The following FAM171A2 variants were observed in gnomAD, a reference collection of about 807,000 sequenced individuals.
The protein encoded by FAM171A2 is protein FAM171A2.
Under a neutral mutation model 34.2 loss-of-function variants are expected in FAM171A2, and 13 were observed. The observed-to-expected ratio is 0.38, with a 90% confidence interval of 0.25 to 0.60. The LOEUF (loss-of-function observed/expected upper bound fraction) is 0.60. FAM171A2 is among the 20% of genes least tolerant of loss of function. FAM171A2 has a pLI of 0.62. For synonymous variants in FAM171A2, 475 were observed against 561.2 expected, an observed-to-expected ratio of 0.85 and a Z score of 2.17; for missense variants, 950 against 1,180.7, an observed-to-expected ratio of 0.80 and a Z score of 2.86.
In FAM171A2 at chr17:44,359,953, G is replaced by A. The variant is rs1318165540; in HGVS notation, c.298C>T (p.Pro100Ser). 1.9e-6 allele frequency: 3 copies of A among 1,550,750 alleles called. No individual in the cohort carries two copies. Among genetic ancestry groups the A allele is most frequent in the Admixed American group, 2.0e-5 (1 of 50,956 alleles). The change falls in exon 2 of 8, where the codon CCT becomes TCT. Residue 100 changes from proline (P) to serine (S), a missense_variant. Transcript: ENST00000293443. ...GTWVLVTAAR[P>S]GFLTNSVPWR... ...GGCACAGAGTTGGTGAGGAAGCCAG[G>A]GCGGGCAGCAGTGACCAGCACCCAG...
chr17:44,354,414 G>A lies in FAM171A2; in HGVS notation c.1800C>T (p.Gly600=). 2.6e-6 allele frequency: 3 copies of A among 1,156,704 alleles called. No homozygotes were observed. The highest frequency in any genetic ancestry group is 8.1e-5 in the South Asian group (2 of 24,776). 71.7% of individuals were successfully genotyped at this position (1,156,704 alleles called of 1,614,324 possible). A position where few individuals can be genotyped will look rare whatever the true frequency, so the allele number is the denominator to read the frequency against. ...SGPGGEGGGG[G]GEGWGAGRAA... ...CGCGCCCGGCCCCCCAGCCCTCGCC[G>A]CCGCCCCCGCCGCCCTCGCCCCCCG... Residue 600 remains glycine, a synonymous_variant, in exon 8 of 8, where the codon GGC becomes GGT. Transcript: ENST00000293443. This position sits in a 1 kb window ranked among gnomAD's most constrained non-coding sequence, Gnocchi z 5.8.
chr17:44,360,097 C>G lies in FAM171A2; in HGVS notation c.154G>C (p.Glu52Gln). The G allele has an allele frequency of 6.4e-7, 1 of 1,551,656 alleles. No homozygotes were observed. The highest frequency in any genetic ancestry group is 1.2e-5 in the South Asian group (1 of 84,056). Reference sequence around the variant, plus strand: ...GAGGCCCGGGCCAGGGGCACCAGCTCCCCGCTCACATACACCTGCACCTTG... The same window carrying G: ...GAGGCCCGGGCCAGGGGCACCAGCTGCCCGCTCACATACACCTGCACCTTG... ...LIKVQVYVSG[E>Q]LVPLARASVD... Residue 52 changes from glutamate to glutamine, a missense_variant, in exon 2 of 8, where the codon GAG becomes CAG. This residue lies in a region of FAM171A2 where 752 missense variants were observed against 924.5 expected (regional missense o/e 0.81). Transcript: ENST00000293443.
chr17:44,354,783 C>T lies in FAM171A2; in HGVS notation c.1431G>A (p.Pro477=). 9 of 1,295,510 alleles carry T rather than the reference C, an allele frequency of 6.9e-6. No homozygotes were observed. The highest frequency in any genetic ancestry group is 2.2e-5 in the South Asian group (1 of 45,844). The allele number at this position is 1,295,510 out of a possible 1,614,324, so 80.3% of individuals were successfully genotyped here. Residue 477 remains proline, a synonymous_variant, in exon 8 of 8, where the codon CCG becomes CCA. Coordinates refer to ENST00000293443, the MANE Select transcript of FAM171A2 (RefSeq NM_198475.3). This position sits in a 1 kb window ranked among gnomAD's most constrained non-coding sequence, Gnocchi z 5.8. ...AAAFLHEPPS[P]PPPFDHYLGH... ...CCAGGTAGTGGTCGAAGGGCGGCGG[C>T]GGCGAGGGCGGCTCGTGCAGGAAGG...
At chr17:44,363,303 G>A (rs990404985) in intron 1 of FAM171A2, among the ~76,000 whole-genome samples, 27 of 152,156 alleles carry the variant, frequency 1.8e-4, no homozygotes, top group African/African-American at 6.3e-4. Context: ...AGGCAGCAGC[G>A]CCTCGCGGAC....
intron 2 of FAM171A2, 29 bp downstream of exon 2, chr17:44,359,875 TC>T (rs752248217): frequency 2.8e-5 from 42 of 1,493,140 alleles, no homozygotes; most frequent in African/African-American, 1.5e-4. Context: ...TCAGCTGCTG[TC>T]CCCCCCCTCC....
Position 44,354,148 on chromosome 17 carries a change from C to T in FAM171A2, c.2066G>A (p.Gly689Asp). 4.1e-6 allele frequency: 5 copies of T among 1,230,544 alleles called. No individual in the cohort carries two copies. The highest frequency in any genetic ancestry group is 5.1e-6 in the Non-Finnish European group (5 of 979,300). 76.2% of individuals were successfully genotyped at this position (1,230,544 alleles called of 1,614,324 possible). ...GGGCCGCGCCTCGTGGACATCTACG[C>T]CCGAGTCCAGGCTGGCGTCGGTGCT... Reference protein sequence around the residue: ...ARSTDASLDSGVDVHEARPAR... With the variant: ...ARSTDASLDSDVDVHEARPAR... The change falls in exon 8 of 8, where the codon GGC (glycine) becomes GAC (aspartate). Residue 689 changes from glycine (G) to aspartate (D), a missense_variant. Physicochemically the swap from Gly to Asp is moderately conservative, Grantham distance 94. Transcript: ENST00000293443. The surrounding 1 kb of genome is among the most constrained non-coding windows in gnomAD (Gnocchi z 5.8).
intron 3 of FAM171A2, 30 bp downstream of exon 3, chr17:44,359,549 A>G: frequency 1.3e-6 from 2 of 1,535,982 alleles, no homozygotes; most frequent in Non-Finnish European, 1.8e-6. Flanking sequence ...GGAAGGAAGA[A>G]GAGTTGGCGT....
chr17:44,354,072 CGCGGCAGGCGGG>C lies in FAM171A2; in HGVS notation c.2130_2141del (p.Ala713_Pro716del), dbSNP rs985174879. ...GCGGGGGCGCGGGCGGCGGCGGCGG[CGCGGCAGGCGGG>C]GCGCGCTCCCGCTCCTCCCTCGCGG... is the stretch of plus-strand genomic sequence containing the variant. On this transcript the variant is annotated inframe_deletion, in exon 8 of 8. Transcript: ENST00000293443. This position sits in a 1 kb window ranked among gnomAD's most constrained non-coding sequence, Gnocchi z 5.8. 1.0e-4 allele frequency: 111 copies of C among 1,104,842 alleles called. No individual in the cohort carries two copies. The highest frequency in any genetic ancestry group is 6.0e-4 in the African/African-American group (36 of 59,518). 68.4% of individuals were successfully genotyped at this position (1,104,842 alleles called of 1,614,324 possible). A position where few individuals can be genotyped will look rare whatever the true frequency, so the allele number is the denominator to read the frequency against.
Position 44,356,414 on chromosome 17 carries a change from TG to T in FAM171A2, c.598+15del. 1 of 1,549,940 alleles carries T rather than the reference TG, an allele frequency of 6.5e-7. No individual in the cohort carries two copies. Among genetic ancestry groups the T allele is most frequent in the Non-Finnish European group, 8.7e-7 (1 of 1,146,148 alleles). ...GAGCCTGGGGAGACCCCATCCGTGC[TG>T]GGCACCCAGCCTACCTGAGCTGGAG... On this transcript the variant is annotated intron_variant, in intron 4 of 7. Transcript: ENST00000293443.
chr17:44,354,107 C>T lies in FAM171A2; in HGVS notation c.2107G>A (p.Ala703Thr). Residue 703 changes from alanine (A) to threonine (T), a missense_variant, in exon 8 of 8, where the codon GCG becomes ACG. By Grantham distance (58) the Ala-to-Thr change is moderately conservative (BLOSUM62 0). Transcript: ENST00000293443. This position sits in a 1 kb window ranked among gnomAD's most constrained non-coding sequence, Gnocchi z 5.8. ...GGGGCGCGCTCCCGCTCCTCCCTCG[C>T]GGGCCGGCGGCGCGCGGGCCGCGCC... ...HEARPARRRP[A>T]REERERAPPA... The T allele has an allele frequency of 3.5e-6, 4 of 1,127,046 alleles. No homozygotes were observed. The highest frequency in any genetic ancestry group is 4.3e-6 in the Non-Finnish European group (4 of 920,350). The allele number at this position is 1,127,046 out of a possible 1,614,324, so 69.8% of individuals were successfully genotyped here. A position where few individuals can be genotyped will look rare whatever the true frequency, so the allele number is the denominator to read the frequency against.
chr17:44,356,848 C>T (rs920334596), intron 3 of FAM171A2, among the ~76,000 whole-genome samples: 4 of 152,118 alleles, frequency 2.6e-5, no homozygotes, highest in Admixed American at 6.5e-5. Flanking sequence ...TAAAATGTTG[C>T]GATCCAGATC....
At chr17:44,359,226 C>T (rs746731556) in intron 3 of FAM171A2, 8 of 231,154 alleles carry the variant, frequency 3.5e-5, no homozygotes, top group Admixed American at 2.1e-4. Context: ...CTGGGCCTTG[C>T]ACTTCCTGTG....
chr17:44,360,239 G>T, intron 1 of FAM171A2, 107 bp from the exon 2 acceptor site: 2 of 933,504 alleles, frequency 2.1e-6, no homozygotes, highest in Non-Finnish European at 1.6e-6. Context: ...AGTCTTTTGG[G>T]CTGAGGCTAG....
chr17:44,363,475 A>T, intron 1 of FAM171A2, 122 bp downstream of exon 1: 1 of 390,328 alleles, frequency 2.6e-6, no homozygotes, highest in South Asian at 1.3e-4. Flanking sequence ...AGCTCCCCCC[A>T]CCCGAATCCA....
rs1268598315 is a variant in FAM171A2 at position 44,360,017 on chromosome 17, C to T, written c.234G>A (p.Glu78=). 2 of 1,551,664 alleles carry T rather than the reference C, an allele frequency of 1.3e-6. No individual in the cohort carries two copies. Among genetic ancestry groups the T allele is most frequent in the Non-Finnish European group, 1.7e-6 (2 of 1,147,028 alleles). Residue 78 remains glutamate (E), a synonymous_variant, in exon 2 of 8, where the codon GAG becomes GAA. Coordinates refer to ENST00000293443, the MANE Select transcript of FAM171A2 (RefSeq NM_198475.3). The part of the protein sequence containing the change: ...TLLAAGTTDS[E]GVATLPLSYR... ...AACTGAGGGGCAGGGTGGCCACACC[C>T]TCTGAGTCTGTGGTGCCAGCTGCCA...
intron 1 of FAM171A2, 86 bp from the exon 2 acceptor site, chr17:44,360,218 G>A: frequency 8.8e-7 from 1 of 1,133,710 alleles, no homozygotes; most frequent in East Asian, 2.6e-5. Flanking sequence ...GGAAGGAGCT[G>A]TGTTTGAGAG....
Position 44,360,070 on chromosome 17 carries a change from C to T in FAM171A2, c.181G>A (p.Val61Met). The change falls in exon 2 of 8, where the codon GTG (valine) becomes ATG (methionine). Residue 61 changes from valine to methionine, a missense_variant. By Grantham distance (21) the Val-to-Met change is conservative (BLOSUM62 1). Transcript: ENST00000293443. The part of the protein sequence containing the change: ...GELVPLARAS[V>M]DVFGNRTLLA... Reference sequence around the variant, plus strand: ...AGAGTCCGGTTCCCAAACACATCCACTGAGGCCCGGGCCAGGGGCACCAGC... The same window carrying T: ...AGAGTCCGGTTCCCAAACACATCCATTGAGGCCCGGGCCAGGGGCACCAGC... 6.4e-7 allele frequency: 1 copy of T among 1,551,782 alleles called. No individual in the cohort carries two copies. The highest frequency in any genetic ancestry group is 8.7e-7 in the Non-Finnish European group (1 of 1,147,024).
Position 44,354,824 on chromosome 17 carries a change from G to A in FAM171A2, c.1390C>T (p.Pro464Ser). The change falls in exon 8 of 8, where the codon CCC (proline) becomes TCC (serine). Residue 464 changes from proline (P) to serine (S), a missense_variant. Physicochemically the swap from Pro to Ser is moderately conservative, Grantham distance 74. Transcript: ENST00000293443. The surrounding 1 kb of genome is among the most constrained non-coding windows in gnomAD (Gnocchi z 5.8). Reference sequence around the variant, plus strand: ...TGCAGGAAGGCCGCAGCCCCCGAGGGCCCCCGCCGGTGCTCCTCTAGGCCG... The same window carrying A: ...TGCAGGAAGGCCGCAGCCCCCGAGGACCCCCGCCGGTGCTCCTCTAGGCCG... ...EPGLEEHRRG[P>S]SGAAAFLHEP... is the part of the protein sequence containing the mutation. 6 of 1,281,018 alleles carry A rather than the reference G, an allele frequency of 4.7e-6. No homozygotes were observed. The highest frequency in any genetic ancestry group is 5.9e-6 in the Non-Finnish European group (6 of 1,015,122). 79.4% of individuals were successfully genotyped at this position (1,281,018 alleles called of 1,614,324 possible).
chr17:44,361,273 T>A (rs1357900859), intron 1 of FAM171A2, among the ~76,000 whole-genome samples: 2 of 152,120 alleles, frequency 1.3e-5, no homozygotes, highest in Non-Finnish European at 2.9e-5. Flanking sequence ...GCACAGCCCC[T>A]CCCTCAAGAA....
Sources: gnomAD v4.1 joint callset for allele counts (sites outside exome capture counted in the v4.1 genomes callset) on GRCh38, gnomAD v4.1.1 for gene constraint, gnomAD v4.1.1 regional missense constraint, Gnocchi (gnomAD v3.1) non-coding constraint, MANE v1.5 for transcripts, NCBI Gene and HGNC (gene_info 2026-07-23, HGNC 2026-07-21) for gene names.